Variants in TRIM33 observed in about 807,000 individuals in gnomAD.
TRIM33 encodes E3 ubiquitin-protein ligase TRIM33.
Under a neutral mutation model 125.4 loss-of-function variants are expected in TRIM33, and 20 were observed. That is an observed-to-expected ratio of 0.16 (90% CI 0.11 to 0.23). The LOEUF (loss-of-function observed/expected upper bound fraction) is 0.23, where lower values mean the gene tolerates loss of function less well. Ranked by LOEUF, TRIM33 falls within the 10% of genes least tolerant of loss-of-function variation. TRIM33 has a pLI of 1.00. For synonymous variants in TRIM33, 564 were observed against 513.9 expected (o/e 1.10, Z -1.32); for missense variants, 920 against 1,411.4 (o/e 0.65, Z 5.58).
chr1:114,395,918 A>G lies in TRIM33; in HGVS notation c.*1730T>C, dbSNP rs1651519403. On this transcript the variant is annotated 3_prime_UTR_variant, in exon 20 of 20. Transcript: ENST00000358465. Reference sequence around the variant, plus strand: ...AGAAAAACAACCCAAAGGAATTTGTATAATAATTTCTTTAGAGCACTTTAT... The same window carrying G: ...AGAAAAACAACCCAAAGGAATTTGTGTAATAATTTCTTTAGAGCACTTTAT... 1.6e-5 allele frequency: 3 copies of G among 193,324 alleles called. 1 individual carries two copies. Among genetic ancestry groups the G allele is most frequent in the East Asian group, 1.6e-4 (2 of 12,334 alleles). The allele number at this position is 193,324 out of a possible 1,614,324, so 12.0% of individuals were successfully genotyped here.
intron 13 of TRIM33, among the ~76,000 whole-genome samples, chr1:114,407,387 C>T (rs1461389259): frequency 1.3e-5 from 2 of 152,100 alleles, no homozygotes; most frequent in Non-Finnish European, 2.9e-5. Context: ...TTTCTTAGCT[C>T]TGTCCACTGA....
chr1:114,463,662 A>C lies in TRIM33; in HGVS notation c.646-106T>G, dbSNP rs1222914510. 6 of 693,516 alleles carry C rather than the reference A, an allele frequency of 8.7e-6. No homozygotes were observed. In the African/African-American group the frequency reaches 1.1e-4, roughly 13 times the overall value. The allele number at this position is 693,516 out of a possible 1,614,324, so 43.0% of individuals were successfully genotyped here. A position where few individuals can be genotyped will look rare whatever the true frequency, so the allele number is the denominator to read the frequency against. ...ATACTATTTCACTGTACACAGAATA[A>C]AATTATTTTGTTATCCATTTATCTT... On this transcript the variant is annotated intron_variant, in intron 2 of 19. Transcript: ENST00000358465.
chr1:114,417,614 TTAG>T (rs1204455770), intron 11 of TRIM33, among the ~76,000 whole-genome samples: 2 of 152,176 alleles, frequency 1.3e-5, no homozygotes, highest in African/African-American at 2.4e-5. Context: ...GGATTTATAA[TTAG>T]TAGTCTGGAC....
In TRIM33 at chr1:114,500,831, G is replaced by C. The variant is rs539245020; in HGVS notation, c.526+9720C>G. On this transcript the variant is annotated intron_variant, in intron 1 of 19. Coordinates refer to ENST00000358465, the MANE Select transcript of TRIM33 (RefSeq NM_015906.4). Reference sequence around the variant, plus strand: ...AAGTGTATCAGTTATCTATTGCTATGTAACAAATTACCTCAAAAATTAATG... The same window carrying C: ...AAGTGTATCAGTTATCTATTGCTATCTAACAAATTACCTCAAAAATTAATG... Among the ~76,000 whole-genome samples the C allele has an allele frequency of 7.2e-5, 11 of 152,026 alleles. No individual in the cohort carries two copies. In the South Asian group the frequency reaches 1.2e-3, roughly 17 times the overall value.
chr1:114,404,892 A>C (rs1652136431), intron 15 of TRIM33: 1 of 151,950 alleles, frequency 6.6e-6, no homozygotes, highest in African/African-American at 2.4e-5. Context: ...ACCAAAAAGA[A>C]ATTGGGGGAC....
At chr1:114,401,045 T>A (rs1338789975) in intron 17 of TRIM33, among the ~76,000 whole-genome samples, 2 of 150,270 alleles carry the variant, frequency 1.3e-5, no homozygotes, top group Non-Finnish European at 3.0e-5. Context: ...TTTTTTTTCT[T>A]TTTTTTTTTG....
At chr1:114,463,813 G>C (rs1650133628) in intron 2 of TRIM33, among the ~76,000 whole-genome samples, 1 of 142,454 alleles carries the variant, frequency 7.0e-6, no homozygotes, top group Non-Finnish European at 1.5e-5. Context: ...CTGTCACCCA[G>C]GCTGGACAGC....
chr1:114,462,956 CA>C (rs1327206687), intron 4 of TRIM33, 147 bp downstream of exon 4: 4 of 563,806 alleles, frequency 7.1e-6, no homozygotes, highest in African/African-American at 5.9e-5. Context: ...TTTACCAAAA[CA>C]TATATTGCTC....
intron 15 of TRIM33, among the ~76,000 whole-genome samples, chr1:114,403,319 T>C (rs185762455): frequency 2.6e-5 from 4 of 152,292 alleles, no homozygotes; most frequent in Admixed American, 2.0e-4. Context: ...TCTTTTTTCG[T>C]GGTCAAAACC....
chr1:114,501,189 C>CAA (rs775867907), intron 1 of TRIM33, among the ~76,000 whole-genome samples: 84 of 22,068 alleles, frequency 3.8e-3, no homozygotes, highest in East Asian at 8.6e-3. Flanking sequence ...GACTCCGTCT[C>CAA]AAAAAAAAAA....
rs139316863 is a variant in TRIM33 at position 114,471,670 on chromosome 1, A to T, written c.527-7282T>A. On this transcript the variant is annotated intron_variant, in intron 1 of 19. Coordinates refer to ENST00000358465, the MANE Select transcript of TRIM33 (RefSeq NM_015906.4). ...GGTAAAACAAAAACAAACAGGAAGA[A>T]TATTAGCATTAGATAAACCTAAGTA... 3.0e-4 allele frequency among the ~76,000 whole-genome samples: 45 copies of T among 152,314 alleles called. No individual in the cohort carries two copies. The East Asian group carries it at 8.5e-3, about 29-fold the overall frequency.
intron 4 of TRIM33, among the ~76,000 whole-genome samples, chr1:114,444,355 T>TGGAAG (rs1648846052): frequency 1.3e-5 from 2 of 152,188 alleles, no homozygotes; most frequent in African/African-American, 2.4e-5. Context: ...TGCTATAAAG[T>TGGAAG]TGACACTGGA....
chr1:114,410,340 A>G, intron 11 of TRIM33, 24 bp from the exon 12 acceptor site: 1 of 1,602,122 alleles, frequency 6.2e-7, no homozygotes, highest in Non-Finnish European at 8.5e-7. Context: ...AGATAAAGAC[A>G]AATTTGCTTT....
chr1:114,477,520 C>T (rs1651049622), intron 1 of TRIM33, among the ~76,000 whole-genome samples: 1 of 152,072 alleles, frequency 6.6e-6, no homozygotes. Flanking sequence ...TCTTAGTTTC[C>T]CCTTTGCAAA....
At chr1:114,452,135 T>C (rs1306041747) in intron 4 of TRIM33, among the ~76,000 whole-genome samples, 2 of 152,022 alleles carry the variant, frequency 1.3e-5, no homozygotes, top group East Asian at 3.9e-4. Flanking sequence ...GACCACAAAC[T>C]TATGGCCAAT....
chr1:114,407,880 G>C (rs1652345864), intron 13 of TRIM33, among the ~76,000 whole-genome samples: 1 of 152,144 alleles, frequency 6.6e-6, no homozygotes, highest in African/African-American at 2.4e-5. Flanking sequence ...GTTGATGACA[G>C]AAAGCTTCTC....
chr1:114,414,252 A>C (rs1652790090), intron 11 of TRIM33, among the ~76,000 whole-genome samples: 1 of 152,170 alleles, frequency 6.6e-6, no homozygotes, highest in African/African-American at 2.4e-5. Flanking sequence ...TTTAAAAAGT[A>C]GGCAAATCTG....
At chr1:114,468,919 C>G (rs575794402) in intron 1 of TRIM33, 25 of 249,658 alleles carry the variant, frequency 1.0e-4, no homozygotes, top group African/African-American at 5.6e-4. Context: ...CATCAAACCT[C>G]TACAGGTCAT....
chr1:114,417,753 G>C (rs1653027869), intron 11 of TRIM33, among the ~76,000 whole-genome samples: 1 of 152,156 alleles, frequency 6.6e-6, no homozygotes. Flanking sequence ...CCACCTCCCA[G>C]GTTCAAGCAA....
Sources: allele counts gnomAD v4.1 joint callset (sites outside exome capture counted in the v4.1 genomes callset), GRCh38; gene constraint gnomAD v4.1.1; transcripts MANE v1.5; gene names NCBI Gene and HGNC (gene_info 2026-07-23, HGNC 2026-07-21).